Variants in DNAJC5B observed in about 807,000 individuals in gnomAD.
The protein encoded by DNAJC5B is DnaJ heat shock protein family (Hsp40) member C5 beta.
DNAJC5B carries 23 observed loss-of-function variants against 24.7 expected under a neutral mutation model. That is an observed-to-expected ratio of 0.93 (90% CI 0.67 to 1.32). DNAJC5B has a LOEUF of 1.32. Ranked by LOEUF, DNAJC5B falls within the 40% of genes most tolerant of loss-of-function variation. The pLI is 0.00. For synonymous variants in DNAJC5B, 101 were observed against 90.1 expected, an observed-to-expected ratio of 1.12 and a Z score of -0.68; for missense variants, 238 against 240.8, an observed-to-expected ratio of 0.99 and a Z score of 0.08.
At chr8:66,067,185 C>A (rs1323207615) in intron 3 of DNAJC5B, among the ~76,000 whole-genome samples, 1 of 148,514 alleles carries the variant, frequency 6.7e-6, no homozygotes, top group Non-Finnish European at 1.5e-5. Context: ...ACCCCCCACC[C>A]TCCCCCACTT....
At chr8:66,027,740 G>A (rs1334282641) in intron 1 of DNAJC5B, among the ~76,000 whole-genome samples, 1 of 152,066 alleles carries the variant, frequency 6.6e-6, no homozygotes, top group African/African-American at 2.4e-5. Context: ...TCCTCTGCAT[G>A]GTAGGAACTG....
chr8:66,016,824 G>T (rs2128953446), upstream of DNAJC5B, among the ~76,000 whole-genome samples: 1 of 152,254 alleles, frequency 6.6e-6, no homozygotes, highest in East Asian at 1.9e-4. Context: ...AAGTAGAAAA[G>T]TTTTCTGAGA....
intron 1 of DNAJC5B, among the ~76,000 whole-genome samples, chr8:66,035,281 T>G (rs1416784637): frequency 6.6e-6 from 1 of 152,208 alleles, no homozygotes; most frequent in Non-Finnish European, 1.5e-5. Flanking sequence ...AACTTTACAA[T>G]CCTGTTGTGG....
chr8:66,042,503 T>G (rs1367109636), intron 1 of DNAJC5B, among the ~76,000 whole-genome samples: 2 of 152,220 alleles, frequency 1.3e-5, no homozygotes, highest in African/African-American at 4.8e-5. Context: ...TAGCAACTAT[T>G]TTTATTTCAT....
chr8:66,076,880 C>T lies in DNAJC5B; in HGVS notation c.333+7C>T, dbSNP rs1807479800. On this transcript the variant is annotated splice_region_variant and intron_variant, in intron 4 of 5. Transcript: ENST00000276570. ...GTCGAGCTGGTGGGCAAAGGTGAAA[C>T]TGAATTTCCTTTCTTCACAATCTCC... 2.5e-6 allele frequency: 4 copies of T among 1,613,770 alleles called. No individual in the cohort carries two copies. The African/African-American group carries it at 4.0e-5, about 16-fold the overall frequency.
chr8:66,082,271 T>C (rs964448390), intron 5 of DNAJC5B, among the ~76,000 whole-genome samples: 1 of 151,710 alleles, frequency 6.6e-6, no homozygotes, highest in Non-Finnish European at 1.5e-5. Flanking sequence ...AACTTTTCCT[T>C]TACAGTGGGA....
chr8:66,066,174 AT>A (rs1807188246), intron 3 of DNAJC5B, among the ~76,000 whole-genome samples: 1 of 152,246 alleles, frequency 6.6e-6, no homozygotes, highest in Non-Finnish European at 1.5e-5. Context: ...TAAAACCACA[AT>A]GAGGTATCGC....
chr8:66,099,349 ATC>A (rs1040639756), intron 5 of DNAJC5B, among the ~76,000 whole-genome samples: 11 of 152,200 alleles, frequency 7.2e-5, no homozygotes, highest in African/African-American at 2.7e-4. Context: ...AGGCTAACAA[ATC>A]TCTCTGTAGA....
At chr8:66,038,999 C>G (rs899443487) in intron 1 of DNAJC5B, among the ~76,000 whole-genome samples, 6 of 152,224 alleles carry the variant, frequency 3.9e-5, no homozygotes, top group Non-Finnish European at 8.8e-5. Context: ...AGTTCTTAAC[C>G]TTGACACTAG....
chr8:66,045,298 C>G (rs1806699930), intron 2 of DNAJC5B, among the ~76,000 whole-genome samples: 1 of 152,134 alleles, frequency 6.6e-6, no homozygotes, highest in South Asian at 2.1e-4. Context: ...AAGATGTTGT[C>G]TGTCTGAAAG....
chr8:66,019,115 G>T (rs1806040163), upstream of DNAJC5B, among the ~76,000 whole-genome samples: 1 of 152,206 alleles, frequency 6.6e-6, no homozygotes, highest in Non-Finnish European at 1.5e-5. Flanking sequence ...ACAGTATTGA[G>T]TATGCTCAGC....
At chr8:66,071,456 A>G (rs1283053521) in intron 3 of DNAJC5B, among the ~76,000 whole-genome samples, 9 of 152,276 alleles carry the variant, frequency 5.9e-5, no homozygotes, top group Admixed American at 5.9e-4. Context: ...AAAAATGCTC[A>G]TCATCACTGG....
At chr8:66,091,427 T>G (rs1433167167) in intron 5 of DNAJC5B, among the ~76,000 whole-genome samples, 1 of 152,084 alleles carries the variant, frequency 6.6e-6, no homozygotes, top group African/African-American at 2.4e-5. Context: ...ATTCTGGGGA[T>G]GGTGCACTCT....
At chr8:66,089,609 C>A (rs1807802024) in intron 5 of DNAJC5B, among the ~76,000 whole-genome samples, 1 of 152,148 alleles carries the variant, frequency 6.6e-6, no homozygotes, top group Non-Finnish European at 1.5e-5. Flanking sequence ...TACTCCTTGA[C>A]TCTAGCTAAA....
intron 3 of DNAJC5B, among the ~76,000 whole-genome samples, chr8:66,072,104 C>T (rs969182203): frequency 3.3e-5 from 5 of 151,894 alleles, no homozygotes; most frequent in African/African-American, 7.3e-5. Context: ...ATGTAGGTGA[C>T]GGATTGATGG....
chr8:66,076,449 A>G (rs1305571953), intron 3 of DNAJC5B, among the ~76,000 whole-genome samples: 1 of 152,192 alleles, frequency 6.6e-6, no homozygotes, highest in Non-Finnish European at 1.5e-5. Flanking sequence ...TGGAAATGTG[A>G]GAGGAGAAAT....
Position 66,099,864 on chromosome 8 carries a change from A to G in DNAJC5B, c.506-73A>G, listed in dbSNP as rs1808035133. 3.7e-6 allele frequency: 5 copies of G among 1,335,636 alleles called. No homozygotes were observed. In the South Asian group the frequency reaches 5.1e-5, roughly 14 times the overall value. 82.7% of individuals were successfully genotyped at this position (1,335,636 alleles called of 1,614,324 possible). A position where few individuals can be genotyped will look rare whatever the true frequency, so the allele number is the denominator to read the frequency against. On this transcript the variant is annotated intron_variant, in intron 5 of 5. Transcript: ENST00000276570. ...TGCCAGTCATGAATTCAACAAAAAT[A>G]CCTATCACTTGCTTCATTAAAAGAA...
chr8:66,049,603 C>A lies in DNAJC5B; in HGVS notation c.-17-1928C>A, dbSNP rs78337506. ...GTGTAAATACACTCTGTGATGTTCA[C>A]ACAATGATAAAATCCCCTAAAGATG... On this transcript the variant is annotated intron_variant, in intron 2 of 5. Coordinates refer to ENST00000276570, the MANE Select transcript of DNAJC5B (RefSeq NM_033105.6). 3.5e-3 allele frequency among the ~76,000 whole-genome samples: 537 copies of A among 152,302 alleles called. 1 individual carries two copies. The highest frequency in any genetic ancestry group is 5.1e-3 in the Non-Finnish European group (347 of 68,024).
intron 1 of DNAJC5B, among the ~76,000 whole-genome samples, chr8:66,032,656 A>G (rs1806384150): frequency 6.6e-6 from 1 of 152,154 alleles, no homozygotes; most frequent in Non-Finnish European, 1.5e-5. Context: ...TCTCTCCTCA[A>G]AATCTGCCCA....
Sources: allele counts gnomAD v4.1 joint callset (sites outside exome capture counted in the v4.1 genomes callset), GRCh38; gene constraint gnomAD v4.1.1; transcripts MANE v1.5; gene names NCBI Gene and HGNC (gene_info 2026-07-23, HGNC 2026-07-21).